Variants in COBL observed in about 807,000 individuals in gnomAD.
COBL encodes the protein protein cordon-bleu.
Under a neutral mutation model 98.8 loss-of-function variants are expected in COBL, and 51 were observed. That is an observed-to-expected ratio of 0.52 (90% CI 0.41 to 0.65). The LOEUF is 0.65. COBL is among the 30% of genes least tolerant of loss of function. The pLI, the probability that COBL is intolerant of heterozygous loss-of-function variation, is 0.00. For synonymous variants in COBL, 634 were observed against 651.7 expected (o/e 0.97, Z 0.41); for missense variants, 1,617 against 1,617.5 (o/e 1.00, Z 0.01).
intron 2 of COBL, among the ~76,000 whole-genome samples, chr7:51,215,786 CTCCA>C (rs1218515431): frequency 6.6e-6 from 1 of 152,230 alleles, no homozygotes; most frequent in Non-Finnish European, 1.5e-5. Context: ...TGTACATGTG[CTCCA>C]TCAATACCTT....
chr7:51,101,695 A>C (rs1795819421), intron 6 of COBL, among the ~76,000 whole-genome samples: 1 of 152,260 alleles, frequency 6.6e-6, no homozygotes, highest in Admixed American at 6.5e-5. Flanking sequence ...TGGGCATATT[A>C]GAAACCAGTT....
chr7:51,177,691 T>C (rs1261868754), intron 5 of COBL, among the ~76,000 whole-genome samples: 1 of 151,796 alleles, frequency 6.6e-6, no homozygotes, highest in Middle Eastern at 3.2e-3. Context: ...GAGAATCACT[T>C]GAACCCAGGA....
chr7:51,094,890 AG>A (rs773429458), intron 6 of COBL, among the ~76,000 whole-genome samples: 1 of 152,232 alleles, frequency 6.6e-6, no homozygotes, highest in Non-Finnish European at 1.5e-5. Context: ...TGAAATGCAA[AG>A]GAAAACAGCT....
At chr7:51,310,736 T>C (rs1221905888) in intron 1 of COBL, among the ~76,000 whole-genome samples, 3 of 151,898 alleles carry the variant, frequency 2.0e-5, no homozygotes, top group African/African-American at 4.8e-5. Flanking sequence ...CTCGGCTCAC[T>C]GTAACCTCTG....
chr7:51,164,404 A>C (rs1787094203), intron 5 of COBL, among the ~76,000 whole-genome samples: 1 of 152,192 alleles, frequency 6.6e-6, no homozygotes, highest in African/African-American at 2.4e-5. Context: ...ATGAAGCTAC[A>C]ATATGTCTGG....
chr7:51,217,089 T>C (rs2129084370), intron 2 of COBL, among the ~76,000 whole-genome samples: 1 of 152,328 alleles, frequency 6.6e-6, no homozygotes, highest in South Asian at 2.1e-4. Context: ...AATAATTCAC[T>C]ACTTAAGAAA....
chr7:51,170,230 T>C (rs1483744907), intron 5 of COBL, among the ~76,000 whole-genome samples: 2 of 151,922 alleles, frequency 1.3e-5, no homozygotes, highest in Non-Finnish European at 1.5e-5. Context: ...TGATCACAAC[T>C]CTACTTATCA....
chr7:51,224,887 C>A (rs1794030486), intron 1 of COBL, among the ~76,000 whole-genome samples: 1 of 152,158 alleles, frequency 6.6e-6, no homozygotes, highest in Non-Finnish European at 1.5e-5. Flanking sequence ...TCAGGCTACT[C>A]CTGACCTCAG....
intron 1 of COBL, among the ~76,000 whole-genome samples, chr7:51,275,414 T>C (rs138634979): frequency 1.3e-5 from 2 of 152,304 alleles, no homozygotes; most frequent in Non-Finnish European, 2.9e-5. Flanking sequence ...ACAACGAGGA[T>C]TTGTTTTTGA....
At chr7:51,257,848 C>T (rs1031971446) in intron 1 of COBL, among the ~76,000 whole-genome samples, 1 of 151,950 alleles carries the variant, frequency 6.6e-6, no homozygotes, top group Non-Finnish European at 1.5e-5. Flanking sequence ...ACTAAAAGTT[C>T]ACTCAGATTT....
At chr7:51,157,013 A>C (rs1562974735) in intron 5 of COBL, among the ~76,000 whole-genome samples, 1 of 152,150 alleles carries the variant, frequency 6.6e-6, no homozygotes, top group African/African-American at 2.4e-5. Context: ...CCTCCTCGCC[A>C]GGGCCTCAGG....
At chr7:51,158,374 C>T (rs1562976491) in intron 5 of COBL, among the ~76,000 whole-genome samples, 1 of 152,176 alleles carries the variant, frequency 6.6e-6, no homozygotes, top group Non-Finnish European at 1.5e-5. Flanking sequence ...GGCGGAAGGG[C>T]AGGGTCGGGG....
At chr7:51,277,508 T>C (rs1799419326) in intron 1 of COBL, among the ~76,000 whole-genome samples, 1 of 152,166 alleles carries the variant, frequency 6.6e-6, no homozygotes, top group African/African-American at 2.4e-5. Flanking sequence ...GAGCACACAG[T>C]GGTAATCTCT....
chr7:51,051,505 TAACTC>T (rs1196538841), intron 7 of COBL, among the ~76,000 whole-genome samples: 2 of 152,262 alleles, frequency 1.3e-5, no homozygotes, highest in Non-Finnish European at 2.9e-5. Flanking sequence ...TTTCCTAACT[TAACTC>T]TACTTCCTTT....
In COBL at chr7:51,271,232, T is replaced by G. The variant is rs539868045; in HGVS notation, c.41+45361A>C. On this transcript the variant is annotated intron_variant, in intron 1 of 12. Transcript: ENST00000265136. ...CCACAAAGCTGCAAATATCTGCTGATTCCTGACCCACAGGATAAAGCAGGA... is the reference window on the plus strand; with the variant it reads ...CCACAAAGCTGCAAATATCTGCTGAGTCCTGACCCACAGGATAAAGCAGGA... Among the ~76,000 whole-genome samples the G allele has an allele frequency of 3.3e-5, 5 of 152,346 alleles. No individual in the cohort carries two copies. The East Asian group carries it at 9.6e-4, about 29-fold the overall frequency.
intron 12 of COBL, among the ~76,000 whole-genome samples, chr7:51,018,940 A>ATATG (rs1786631577): frequency 2.1e-5 from 2 of 96,444 alleles, no homozygotes; most frequent in African/African-American, 7.3e-5. Context: ...ATATATATAT[A>ATATG]TATATATATA....
chr7:51,160,650 C>T (rs1036630660), intron 5 of COBL, among the ~76,000 whole-genome samples: 1 of 152,092 alleles, frequency 6.6e-6, no homozygotes, highest in African/African-American at 2.4e-5. Flanking sequence ...ACGGTACACA[C>T]GGGAAGACAA....
At chr7:51,055,749 C>T (rs1790686629) in intron 7 of COBL, among the ~76,000 whole-genome samples, 1 of 152,186 alleles carries the variant, frequency 6.6e-6, no homozygotes, top group Admixed American at 6.5e-5. Context: ...CGGCTTTCTC[C>T]CCTCACTGGG....
intron 7 of COBL, chr7:51,071,062 T>C (rs897781749): frequency 2.6e-5 from 4 of 152,216 alleles, no homozygotes; most frequent in Non-Finnish European, 5.9e-5. Context: ...TACCTTAGCA[T>C]TTGCTACAGA....
Sources: allele counts gnomAD v4.1 joint callset (sites outside exome capture counted in the v4.1 genomes callset), GRCh38; gene constraint gnomAD v4.1.1; transcripts MANE v1.5; gene names NCBI Gene and HGNC (gene_info 2026-07-23, HGNC 2026-07-21).